ARHGAP22: variants seen among roughly 807,000 people sequenced by gnomAD.
ARHGAP22 encodes the protein rho GTPase-activating protein 22.
Under a neutral mutation model 59.1 loss-of-function variants are expected in ARHGAP22, and 48 were observed. The ratio of observed to expected loss-of-function variants is 0.81; its 90% CI spans 0.64 to 1.03. The LOEUF (loss-of-function observed/expected upper bound fraction) is 1.03. Ranked by LOEUF, ARHGAP22 falls within the 50% of genes least tolerant of loss-of-function variation. ARHGAP22 has a pLI of 0.00. For missense variants in ARHGAP22, 1,015 were observed against 958.7 expected (o/e 1.06, Z -0.78); for synonymous variants, 445 against 416.4 (o/e 1.07, Z -0.84).
the ARHGAP22 span, chr10:48,435,049 G>T: frequency 3.4e-6 from 5 of 1,463,176 alleles, no homozygotes; most frequent in African/African-American, 2.9e-5. Flanking sequence ...CCATCGGGGG[G>T]TGGGAGGGAT....
chr10:48,444,212 A>C (rs2045269956), downstream of ARHGAP22: 1 of 152,176 alleles, frequency 6.6e-6, no homozygotes, highest in Non-Finnish European at 1.5e-5. Context: ...AGTCTACTTC[A>C]TATTAAATGA....
At chr10:48,642,963 A>T (rs958314786) in intron 1 of ARHGAP22, among the ~76,000 whole-genome samples, 2 of 152,282 alleles carry the variant, frequency 1.3e-5, no homozygotes, top group African/African-American at 4.8e-5. Flanking sequence ...GAAGACATTT[A>T]TGCAGCCAAC....
intron 1 of ARHGAP22, among the ~76,000 whole-genome samples, chr10:48,627,531 G>C (rs986491628): frequency 1.3e-5 from 2 of 152,254 alleles, no homozygotes; most frequent in African/African-American, 4.8e-5. Context: ...ATGGTGGGCA[G>C]GGCCTGTCCC....
At chr10:48,525,728 T>C (rs1252873398) in intron 3 of ARHGAP22, among the ~76,000 whole-genome samples, 1 of 152,208 alleles carries the variant, frequency 6.6e-6, no homozygotes, top group Non-Finnish European at 1.5e-5. Context: ...AATATTACTA[T>C]AGTGTTCACT....
chr10:48,512,205 T>C (rs886411841), intron 3 of ARHGAP22, among the ~76,000 whole-genome samples: 1 of 152,270 alleles, frequency 6.6e-6, no homozygotes, highest in Non-Finnish European at 1.5e-5. Flanking sequence ...GCTTTTCTTA[T>C]TGTCCTTTGG....
chr10:48,557,686 G>A (rs564069641), intron 2 of ARHGAP22, among the ~76,000 whole-genome samples: 17 of 152,354 alleles, frequency 1.1e-4, no homozygotes, highest in South Asian at 2.1e-4. Context: ...AGAAGCCACC[G>A]TGGAGAGCCA....
chr10:48,603,178 A>C (rs2060484627), intron 1 of ARHGAP22, among the ~76,000 whole-genome samples: 1 of 152,226 alleles, frequency 6.6e-6, no homozygotes, highest in South Asian at 2.1e-4. Flanking sequence ...TAGTGGGGCA[A>C]ATTGCTCCTG....
chr10:48,635,973 A>G (rs7916131), intron 1 of ARHGAP22, among the ~76,000 whole-genome samples: 3,815 of 152,326 alleles, frequency 0.025, 159 homozygotes, highest in African/African-American at 0.087. Flanking sequence ...TATTGAAGAG[A>G]GTTGTAAACC....
chr10:48,528,023 A>G (rs1213140057), intron 3 of ARHGAP22, among the ~76,000 whole-genome samples: 1 of 152,198 alleles, frequency 6.6e-6, no homozygotes, highest in Non-Finnish European at 1.5e-5. Flanking sequence ...CCATTCATCC[A>G]GAGCTCTACT....
chr10:48,641,729 T>C (rs1269385587), intron 1 of ARHGAP22, among the ~76,000 whole-genome samples: 1 of 152,200 alleles, frequency 6.6e-6, no homozygotes, highest in Non-Finnish European at 1.5e-5. Flanking sequence ...AACATAGTGT[T>C]GGAAGTTCTG....
At chr10:48,643,764 A>AATATATATATATATATATATATATAT (rs34206353) in intron 1 of ARHGAP22, among the ~76,000 whole-genome samples, 2 of 144,264 alleles carry the variant, frequency 1.4e-5, no homozygotes, top group African/African-American at 5.2e-5. Context: ...AAAAAAAAAA[A>AATATATATATATATATATATATATAT]ATATATATAT....
intron 1 of ARHGAP22, among the ~76,000 whole-genome samples, chr10:48,646,767 A>G (rs553642800): frequency 6.6e-6 from 1 of 152,382 alleles, no homozygotes; most frequent in Non-Finnish European, 1.5e-5. Flanking sequence ...TGTAGATGCT[A>G]AAACCATACA....
intron 3 of ARHGAP22, among the ~76,000 whole-genome samples, chr10:48,498,716 A>T (rs1486750894): frequency 6.6e-6 from 1 of 152,162 alleles, no homozygotes; most frequent in Non-Finnish European, 1.5e-5. Flanking sequence ...ATGCCCAAAC[A>T]AGCAGGCAAT....
At chr10:48,618,381 G>A (rs898469218) in intron 1 of ARHGAP22, among the ~76,000 whole-genome samples, 3 of 151,824 alleles carry the variant, frequency 2.0e-5, no homozygotes, top group Non-Finnish European at 2.9e-5. Flanking sequence ...ACCAGATAAG[G>A]ACACAATAAC....
chr10:48,635,331 G>C (rs2061772829), intron 1 of ARHGAP22, among the ~76,000 whole-genome samples: 1 of 152,226 alleles, frequency 6.6e-6, no homozygotes, highest in Non-Finnish European at 1.5e-5. Context: ...AAATGCCTGG[G>C]GTTTAGGTTA....
At chr10:48,655,007 T>TCC (rs2062727126), upstream of ARHGAP22, among the ~76,000 whole-genome samples, 3 of 84,876 alleles carry the variant, frequency 3.5e-5, no homozygotes, top group African/African-American at 8.9e-5. Flanking sequence ...TCTCTTTCTT[T>TCC]CTCTTTCTTT....
intron 5 of ARHGAP22, among the ~76,000 whole-genome samples, chr10:48,457,051 C>T (rs2046599615): frequency 6.6e-6 from 1 of 152,138 alleles, no homozygotes; most frequent in Non-Finnish European, 1.5e-5. Context: ...GAAAGGGCAG[C>T]AGCTGGTCAG....
At chr10:48,533,485 C>G (rs986057035) in intron 3 of ARHGAP22, among the ~76,000 whole-genome samples, 1 of 152,190 alleles carries the variant, frequency 6.6e-6, no homozygotes, top group African/African-American at 2.4e-5. Flanking sequence ...TTCTCAGGCT[C>G]TCAATTATTT....
intron 1 of ARHGAP22, among the ~76,000 whole-genome samples, chr10:48,622,664 C>A (rs1163745796): frequency 6.6e-6 from 1 of 152,188 alleles, no homozygotes; most frequent in South Asian, 2.1e-4. Context: ...GTGGATCAGA[C>A]TAGCCACTTT....
Sources: gnomAD v4.1 joint callset for allele counts (sites outside exome capture counted in the v4.1 genomes callset) on GRCh38, gnomAD v4.1.1 for gene constraint, MANE v1.5 for transcripts, NCBI Gene and HGNC (gene_info 2026-07-23, HGNC 2026-07-21) for gene names.